Variants in RFC5 observed in about 807,000 individuals in gnomAD.
RFC5 encodes replication factor C subunit 5.
In RFC5, 26 loss-of-function variants were observed where a neutral mutation model predicts 44.3. That is an observed-to-expected ratio of 0.59 (90% CI 0.43 to 0.81). The LOEUF is 0.81. Among genes scored for constraint, RFC5 ranks in the 40% least tolerant of loss-of-function variants. The pLI is 0.00. For missense variants in RFC5, 328 were observed against 418.6 expected, an observed-to-expected ratio of 0.78 and a Z score of 1.89; for synonymous variants, 155 against 155.2, an observed-to-expected ratio of 1.00 and a Z score of 0.01.
the RFC5 span, chr12:118,038,535 G>A: frequency 3.2e-6 from 2 of 633,950 alleles, no homozygotes; most frequent in Non-Finnish European, 5.5e-6. Context: ...TTTTAATTCA[G>A]AGTAAGAAAT....
At chr12:118,017,786 T>C in intron 1 of RFC5, 1 of 659,802 alleles carries the variant, frequency 1.5e-6, no homozygotes. Context: ...TTCTCCTGCC[T>C]CAGCCTCCGA....
At chr12:118,018,947 C>T (rs1400361971) in intron 1 of RFC5, 125 bp from the exon 2 acceptor site, 1 of 686,512 alleles carries the variant, frequency 1.5e-6, no homozygotes, top group Non-Finnish European at 2.5e-6. Flanking sequence ...GATCCACCCA[C>T]CTTGGCCTCC....
chr12:118,035,452 GTGGA>G (rs2031489837), downstream of RFC5: 1 of 752,060 alleles, frequency 1.3e-6, no homozygotes, highest in Middle Eastern at 3.9e-4. Flanking sequence ...TGTGCCCCTC[GTGGA>G]AAAGCTTGGG....
intron 10 of RFC5, 116 bp downstream of exon 10, chr12:118,029,941 C>T (rs2031207557): frequency 2.6e-6 from 2 of 778,526 alleles, no homozygotes; most frequent in Admixed American, 1.9e-5. Flanking sequence ...ACATACGGTA[C>T]AATCTAGTCT....
chr12:118,016,747 G>C lies in RFC5; in HGVS notation c.-81G>C. 1 of 1,172,900 alleles carries C rather than the reference G, an allele frequency of 8.5e-7. No individual in the cohort carries two copies. The highest frequency in any genetic ancestry group is 1.3e-5 in the South Asian group (1 of 76,566). The allele number at this position is 1,172,900 out of a possible 1,614,324, so 72.7% of individuals were successfully genotyped here. A position where few individuals can be genotyped will look rare whatever the true frequency, so the allele number is the denominator to read the frequency against. ...GAACTGTAAGTGCCAGGGTCTCAGG[G>C]TCAGGTCGCGGCTGGTCACTGTGCA... On this transcript the variant is annotated 5_prime_UTR_variant, in exon 1 of 11. Transcript: ENST00000454402.
At chr12:118,023,417 GA>G (rs2030667676) in intron 5 of RFC5, among the ~76,000 whole-genome samples, 1 of 28,204 alleles carries the variant, frequency 3.5e-5, no homozygotes, top group Non-Finnish European at 6.1e-5. Context: ...GAGGAGGGGG[GA>G]GGAGGGGAGG....
At chr12:118,022,380 G>A (rs1405146309) in intron 5 of RFC5, 21 bp downstream of exon 5, 1 of 1,568,222 alleles carries the variant, frequency 6.4e-7, no homozygotes, top group Admixed American at 1.7e-5. Flanking sequence ...GCACTGTGGA[G>A]CGTTTGGGCT....
intron 4 of RFC5, among the ~76,000 whole-genome samples, chr12:118,021,910 TC>T (rs1377560333): frequency 4.0e-5 from 6 of 151,534 alleles, no homozygotes; most frequent in Admixed American, 1.3e-4. Flanking sequence ...CGAGCCAAGA[TC>T]GCGGCACTGC....
chr12:118,032,824 T>C (rs1384016444), downstream of RFC5: 1 of 152,252 alleles, frequency 6.6e-6, no homozygotes, highest in Non-Finnish European at 1.5e-5. Flanking sequence ...ATTACAGGCA[T>C]GTGCCGTCAC....
chr12:118,016,728 T>G lies in RFC5; in HGVS notation c.-100T>G. The G allele has an allele frequency of 1.0e-6, 1 of 963,344 alleles. No individual in the cohort carries two copies. The highest frequency in any genetic ancestry group is 2.7e-5 in the East Asian group (1 of 37,006). 59.7% of individuals were successfully genotyped at this position (963,344 alleles called of 1,614,324 possible). On this transcript the variant is annotated 5_prime_UTR_variant, in exon 1 of 11. Coordinates refer to ENST00000454402, the MANE Select transcript of RFC5 (RefSeq NM_007370.7). ...GAGAGTTGCTTTTGCGCGCGAACTG[T>G]AAGTGCCAGGGTCTCAGGGTCAGGT...
chr12:118,032,354 G>A (rs1411297507), downstream of RFC5: 1 of 152,148 alleles, frequency 6.6e-6, no homozygotes, highest in African/African-American at 2.4e-5. Flanking sequence ...TGGCCAACCA[G>A]GCCTCAAACC....
chr12:118,039,019 C>T, the RFC5 span, among the ~76,000 whole-genome samples: 1 of 152,146 alleles, frequency 6.6e-6, no homozygotes, highest in Admixed American at 6.5e-5. Flanking sequence ...TCTTTTTAGG[C>T]TCCCCAACCA....
At chr12:118,035,391 C>A, downstream of RFC5, 2 of 1,475,916 alleles carry the variant, frequency 1.4e-6, no homozygotes, top group South Asian at 2.3e-5. Context: ...CATCATCACC[C>A]TAGGCAGGAA....
chr12:118,034,128 T>G (rs2137757182), downstream of RFC5: 6 of 1,591,558 alleles, frequency 3.8e-6, no homozygotes, highest in Non-Finnish European at 5.2e-6. Context: ...GTTTGGCCCA[T>G]TATTCCAGCA....
chr12:118,036,290 C>T (rs543600492), downstream of RFC5: 53 of 1,585,508 alleles, frequency 3.3e-5, 2 homozygotes, highest in South Asian at 5.6e-4. Flanking sequence ...AGGCAGGTTC[C>T]TCATCAGTCC....
Position 118,025,012 on chromosome 12 carries a change from T to C in RFC5, c.581+2T>C. Reference sequence around the variant, plus strand: ...GGAACATGTCGTGGAAGAAGAGAAGTGAGTATTTTGCGGGCCTTTGGGGAT... The same window carrying C: ...GGAACATGTCGTGGAAGAAGAGAAGCGAGTATTTTGCGGGCCTTTGGGGAT... On this transcript the variant is annotated splice_donor_variant, in intron 6 of 10. Coordinates refer to ENST00000454402, the MANE Select transcript of RFC5 (RefSeq NM_007370.7). LOFTEE classifies it high-confidence loss of function. 6.2e-7 allele frequency: 1 copy of C among 1,611,964 alleles called. No individual in the cohort carries two copies. The highest frequency in any genetic ancestry group is 8.5e-7 in the Non-Finnish European group (1 of 1,179,374).
intron 1 of RFC5, chr12:118,018,045 A>T: frequency 2.9e-6 from 2 of 701,682 alleles, no homozygotes; most frequent in Non-Finnish European, 5.2e-6. Flanking sequence ...CCTATTCTGG[A>T]CATTTCATGT....
At chr12:118,038,343 C>T in the RFC5 span, 1 of 1,614,118 alleles carries the variant, frequency 6.2e-7, no homozygotes, top group Non-Finnish European at 8.5e-7. Flanking sequence ...GATGGAACAG[C>T]AGTAAACCCA....
chr12:118,032,895 A>G (rs1472674316), downstream of RFC5: 1 of 152,036 alleles, frequency 6.6e-6, no homozygotes, highest in Non-Finnish European at 1.5e-5. Flanking sequence ...AAAATGAAAC[A>G]GAGAGCCAAA....
Sources: gnomAD v4.1 joint callset for allele counts (sites outside exome capture counted in the v4.1 genomes callset) on GRCh38, gnomAD v4.1.1 for gene constraint, MANE v1.5 for transcripts, NCBI Gene and HGNC (gene_info 2026-07-23, HGNC 2026-07-21) for gene names.